The following NUDT2 variants were observed in gnomAD, a reference collection of about 807,000 sequenced individuals.
NUDT2 encodes nudix hydrolase 2.
In NUDT2, 12 loss-of-function variants were observed where a neutral mutation model predicts 14.2. The ratio of observed to expected loss-of-function variants is 0.84; its 90% confidence interval spans 0.54 to 1.37. The LOEUF is 1.37. NUDT2 is among the 40% of genes most tolerant of loss of function. The pLI is 0.00. For synonymous variants in NUDT2, 67 were observed against 67.4 expected (o/e 0.99, Z 0.03); for missense variants, 167 against 176.7 (o/e 0.95, Z 0.31).
chr9:34,342,188 A>G (rs116583980), intron 4 of NUDT2, among the ~76,000 whole-genome samples: 209 of 152,354 alleles, frequency 1.4e-3, no homozygotes, highest in Middle Eastern at 6.8e-3. Flanking sequence ...GTTCCCATCA[A>G]GAGTTTCCCT....
intron 1 of NUDT2, among the ~76,000 whole-genome samples, chr9:34,333,644 CAAAAAAAAAAAAAAAAAA>C (rs34830977): frequency 8.5e-5 from 4 of 47,092 alleles, no homozygotes; most frequent in Non-Finnish European, 1.4e-4. Context: ...GAGACATTGT[CAAAAAAAAAAAAAAAAAA>C]AAAAAAAAAA....
intron 4 of NUDT2, 63 bp downstream of exon 4, chr9:34,339,229 C>T: frequency 1.9e-6 from 3 of 1,581,744 alleles, no homozygotes; most frequent in Non-Finnish European, 1.7e-6. Context: ...TCTACCCTGC[C>T]AGGCCCTCCC....
At chr9:34,338,973 G>C in intron 3 of NUDT2, 51 bp from the exon 4 acceptor site, 5 of 1,516,362 alleles carry the variant, frequency 3.3e-6, no homozygotes, top group Non-Finnish European at 4.5e-6. Flanking sequence ...CCCCAGTATG[G>C]AGCTTCCTAT....
chr9:34,335,074 A>C (rs1315770591), intron 1 of NUDT2, among the ~76,000 whole-genome samples: 1 of 152,028 alleles, frequency 6.6e-6, no homozygotes, highest in Non-Finnish European at 1.5e-5. Context: ...GCTCCTACTG[A>C]ATTTCCTCCT....
intron 1 of NUDT2, among the ~76,000 whole-genome samples, chr9:34,332,397 T>C (rs916336135): frequency 2.6e-5 from 4 of 152,226 alleles, no homozygotes; most frequent in African/African-American, 9.6e-5. Flanking sequence ...GTAACTTGTC[T>C]GTTGGAATGT....
intron 1 of NUDT2, among the ~76,000 whole-genome samples, chr9:34,331,762 C>T (rs1837944707): frequency 6.6e-6 from 1 of 152,052 alleles, no homozygotes; most frequent in Non-Finnish European, 1.5e-5. Flanking sequence ...AACTTTAGAC[C>T]CATCTGTTCA....
rs1837918982 is a variant in NUDT2 at position 34,331,096 on chromosome 9, C to A, written c.-265+1497C>A. Among the ~76,000 whole-genome samples, 3 of 152,142 alleles carry A rather than the reference C, an allele frequency of 2.0e-5. No homozygotes were observed. In the South Asian group the frequency reaches 6.2e-4, roughly 31 times the overall value. ...GTTAAGGGAAAAAAGGTAATTCTTACTAATAAGGAAACAAATCCATTCTTC... is the reference window on the plus strand; with the variant it reads ...GTTAAGGGAAAAAAGGTAATTCTTAATAATAAGGAAACAAATCCATTCTTC... On this transcript the variant is annotated intron_variant, in intron 1 of 4. Coordinates refer to ENST00000379158, the MANE Select transcript of NUDT2 (RefSeq NM_001161.5).
chr9:34,337,068 C>T (rs909580859), intron 2 of NUDT2, among the ~76,000 whole-genome samples: 2 of 143,846 alleles, frequency 1.4e-5, no homozygotes, highest in East Asian at 2.1e-4. Context: ...GGCCCCGTCT[C>T]GGCTCACCAC....
intron 1 of NUDT2, among the ~76,000 whole-genome samples, chr9:34,330,033 G>T (rs1049331812): frequency 2.0e-5 from 3 of 152,202 alleles, no homozygotes; most frequent in African/African-American, 7.2e-5. Context: ...GGATAATATC[G>T]TGGCAGTTAT....
At chr9:34,330,924 G>A (rs950694364) in intron 1 of NUDT2, among the ~76,000 whole-genome samples, 1 of 151,958 alleles carries the variant, frequency 6.6e-6, no homozygotes, top group Non-Finnish European at 1.5e-5. Flanking sequence ...TCGCACCACT[G>A]CACTCCAGCC....
intron 4 of NUDT2, among the ~76,000 whole-genome samples, chr9:34,342,452 A>G (rs190894697): frequency 1.3e-5 from 2 of 152,328 alleles, no homozygotes; most frequent in African/African-American, 4.8e-5. Context: ...AAGGTCTCCA[A>G]TAGAAAAGTG....
At chr9:34,342,389 G>C (rs1820213399) in intron 4 of NUDT2, among the ~76,000 whole-genome samples, 1 of 152,146 alleles carries the variant, frequency 6.6e-6, no homozygotes, top group Non-Finnish European at 1.5e-5. Flanking sequence ...TTCCTCGTCA[G>C]CTAACTTCCA....
At chr9:34,333,204 C>T (rs1348178757) in intron 1 of NUDT2, among the ~76,000 whole-genome samples, 1 of 152,182 alleles carries the variant, frequency 6.6e-6, no homozygotes, top group African/African-American at 2.4e-5. Context: ...CTACATTTTA[C>T]CCCTCCTTCA....
rs534947120 is a variant in NUDT2, at chr9:34,332,738, A to G, written c.-265+3139A>G. Among the ~76,000 whole-genome samples the G allele has an allele frequency of 1.3e-5, 2 of 152,354 alleles. 1 individual carries two copies. The highest frequency in any genetic ancestry group is 4.8e-5 in the African/African-American group (2 of 41,578). On this transcript the variant is annotated intron_variant, in intron 1 of 4. Coordinates refer to ENST00000379158, the MANE Select transcript of NUDT2 (RefSeq NM_001161.5). Reference sequence around the variant, plus strand: ...AATGACTCAGCAGCTTCGTCTCTGCAAGAATGGAGTGGCAGATGTCCAGGG... The same window carrying G: ...AATGACTCAGCAGCTTCGTCTCTGCGAGAATGGAGTGGCAGATGTCCAGGG...
chr9:34,339,145 C>A lies in NUDT2; in HGVS notation c.106C>A (p.His36Asn). 1 of 1,613,898 alleles carries A rather than the reference C, an allele frequency of 6.2e-7. No individual in the cohort carries two copies. Among genetic ancestry groups the A allele is most frequent in the African/African-American group, 1.3e-5 (1 of 75,048 alleles). ...ACTGCTGCAGGCATCAGATGGCATT[C>A]ATCACTGGACTCCTCCCAAAGGTAG... ...FLLLQASDGI[H>N]HWTPPKGHVE... The change falls in exon 4 of 5, where the codon CAT becomes AAT. Residue 36 changes from histidine (H) to asparagine (N), a missense_variant. By Grantham distance (68) the His-to-Asn change is moderately conservative (BLOSUM62 1). Transcript: ENST00000379158.
rs1025442050 is a variant in NUDT2 at position 34,343,583 on chromosome 9, G to C, written c.*143G>C. On this transcript the variant is annotated 3_prime_UTR_variant, in exon 5 of 5. Transcript: ENST00000379158. ...ATTTGTGAAATCGGCTCAACTCCCA[G>C]GTGAGAGCAAGCAAAAATCTTGGCT... 2 of 731,256 alleles carry C rather than the reference G, an allele frequency of 2.7e-6. No individual in the cohort carries two copies. The highest frequency in any genetic ancestry group is 4.2e-6 in the Non-Finnish European group (2 of 473,880). The allele number at this position is 731,256 out of a possible 1,614,324, so 45.3% of individuals were successfully genotyped here.
intron 1 of NUDT2, among the ~76,000 whole-genome samples, chr9:34,330,938 G>C (rs1410310348): frequency 6.6e-6 from 1 of 152,006 alleles, no homozygotes; most frequent in Non-Finnish European, 1.5e-5. Context: ...TCCAGCCTGG[G>C]CGACAGAGGG....
At position 34,343,185 on chromosome 9, in the gene NUDT2, A is replaced by G. The variant is rs2131863347; in HGVS notation, c.189A>G (p.Ala63=). The change falls in exon 5 of 5, where the codon GCA becomes GCG. Residue 63 remains alanine (A), a synonymous_variant. Transcript: ENST00000379158. ...CCCTGAGGGAGACCCAAGAGGAAGC[A>G]GGCATAGAAGCAGGCCAGCTGACCA... ...ETALRETQEE[A]GIEAGQLTII... 1 of 1,614,122 alleles carries G rather than the reference A, an allele frequency of 6.2e-7. No individual in the cohort carries two copies. Among genetic ancestry groups the G allele is most frequent in the Non-Finnish European group, 8.5e-7 (1 of 1,180,016 alleles).
intron 4 of NUDT2, among the ~76,000 whole-genome samples, chr9:34,341,792 G>C (rs891205893): frequency 6.6e-6 from 1 of 152,200 alleles, no homozygotes; most frequent in Non-Finnish European, 1.5e-5. Flanking sequence ...TTACAGGCAT[G>C]AGCCACCGCC....
Sources: gnomAD v4.1 joint callset for allele counts (sites outside exome capture counted in the v4.1 genomes callset) on GRCh38, gnomAD v4.1.1 for gene constraint, MANE v1.5 for transcripts, NCBI Gene and HGNC (gene_info 2026-07-23, HGNC 2026-07-21) for gene names.